Variants in TLL1 observed in about 807,000 individuals in gnomAD.
TLL1 encodes tolloid like 1.
In TLL1, 49 loss-of-function variants were observed where a neutral mutation model predicts 128.2. The ratio of observed to expected loss-of-function variants is 0.38; its 90% CI spans 0.30 to 0.48. The LOEUF is 0.48. Among genes scored for constraint, TLL1 ranks in the 20% least tolerant of loss-of-function variants. The pLI is 0.96. For missense variants in TLL1, 1,123 were observed against 1,242.0 expected (o/e 0.90, Z 1.44); for synonymous variants, 454 against 418.8 (o/e 1.08, Z -1.03).
intron 1 of TLL1, among the ~76,000 whole-genome samples, chr4:165,975,185 G>A (rs1445757492): frequency 6.6e-6 from 1 of 152,112 alleles, no homozygotes; most frequent in African/African-American, 2.4e-5. Context: ...AGCCAAGAGA[G>A]CTGACAGCTG....
chr4:166,064,554 A>G (rs1431100384), intron 15 of TLL1, among the ~76,000 whole-genome samples: 1 of 152,128 alleles, frequency 6.6e-6, no homozygotes, highest in South Asian at 2.1e-4. Flanking sequence ...AAGCTGTTAC[A>G]GAATTCTCTG....
chr4:166,043,974 G>T (rs1040038114), intron 12 of TLL1, among the ~76,000 whole-genome samples: 2 of 152,114 alleles, frequency 1.3e-5, no homozygotes, highest in African/African-American at 4.8e-5. Context: ...AGGCCAATCA[G>T]AATTTTTGGA....
At chr4:166,056,576 A>C (rs1180953390) in intron 13 of TLL1, among the ~76,000 whole-genome samples, 1 of 152,128 alleles carries the variant, frequency 6.6e-6, no homozygotes, top group Non-Finnish European at 1.5e-5. Context: ...GTTCACCACA[A>C]TCTATTTCTT....
At chr4:165,909,801 G>C (rs910657443) in intron 1 of TLL1, among the ~76,000 whole-genome samples, 1 of 152,134 alleles carries the variant, frequency 6.6e-6, no homozygotes, top group South Asian at 2.1e-4. Context: ...CATAACAGCA[G>C]AGTGAGAAGT....
intron 12 of TLL1, among the ~76,000 whole-genome samples, chr4:166,049,069 T>A (rs1739593052): frequency 6.6e-6 from 1 of 152,210 alleles, no homozygotes; most frequent in South Asian, 2.1e-4. Context: ...GTTAAGGATT[T>A]TCTGCTTGCC....
At chr4:165,989,306 G>A (rs1019789212) in intron 1 of TLL1, 75 bp from the exon 2 acceptor site, 2 of 1,111,902 alleles carry the variant, frequency 1.8e-6, no homozygotes, top group African/African-American at 1.5e-5. Flanking sequence ...TTTTAACAAT[G>A]CTTTTCTAAT....
intron 1 of TLL1, among the ~76,000 whole-genome samples, chr4:165,912,282 G>A (rs1331835083): frequency 6.6e-6 from 1 of 152,160 alleles, no homozygotes; most frequent in East Asian, 1.9e-4. Context: ...TTAACACACT[G>A]TGTTATTCAG....
chr4:166,031,052 C>T, intron 9 of TLL1: 1 of 877,416 alleles, frequency 1.1e-6, no homozygotes, highest in Non-Finnish European at 1.4e-6. Context: ...AGTTAATACC[C>T]ATGTAAAATG....
chr4:166,004,942 G>T (rs1579611482), intron 6 of TLL1, among the ~76,000 whole-genome samples: 1 of 149,402 alleles, frequency 6.7e-6, no homozygotes, highest in Non-Finnish European at 1.5e-5. Flanking sequence ...CGTTAACTGG[G>T]TGGTGGCGGG....
rs1329511719 is a variant in TLL1 at position 165,874,093 on chromosome 4, G to A, written c.169+20G>A. ...AAGCCGGTAAGTGGCTCTCCAGGTT[G>A]GGACGGTGGCGCGCCGGGGGCCGCT... On this transcript the variant is annotated intron_variant, in intron 1 of 20. Coordinates refer to ENST00000061240, the MANE Select transcript of TLL1 (RefSeq NM_012464.5). The A allele has an allele frequency of 5.0e-6, 8 of 1,613,912 alleles. No homozygotes were observed. Among genetic ancestry groups the A allele is most frequent in the Non-Finnish European group, 5.9e-6 (7 of 1,179,920 alleles).
chr4:165,973,663 C>CT lies in TLL1; in HGVS notation c.170-15706dup, dbSNP rs1163022177. Among the ~76,000 whole-genome samples, 1,082 of 143,240 alleles carry CT rather than the reference C, an allele frequency of 7.6e-3. 11 individuals are homozygous for CT. The highest frequency in any genetic ancestry group is 0.024 in the African/African-American group (941 of 39,280). The allele number at this position is 143,240 out of a possible 152,430, so 94.0% of individuals were successfully genotyped here. A position where few individuals can be genotyped will look rare whatever the true frequency, so the allele number is the denominator to read the frequency against. On this transcript the variant is annotated intron_variant, in intron 1 of 20. Coordinates refer to ENST00000061240, the MANE Select transcript of TLL1 (RefSeq NM_012464.5). ...CTTAACAAGGGAGTAAGCATTAGTT[C>CT]TTTTTTTTTTTTCTTTTTTGAGATG...
At chr4:166,074,596 C>T (rs978209124) in intron 16 of TLL1, among the ~76,000 whole-genome samples, 1 of 151,952 alleles carries the variant, frequency 6.6e-6, no homozygotes, top group African/African-American at 2.4e-5. Context: ...CCTCTTTCTC[C>T]TACCTAAAAC....
At chr4:166,033,865 A>T (rs562556422) in intron 9 of TLL1, among the ~76,000 whole-genome samples, 1 of 152,254 alleles carries the variant, frequency 6.6e-6, no homozygotes, top group African/African-American at 2.4e-5. Context: ...CTTAGAATTG[A>T]CTAACCTTTG....
intron 18 of TLL1, among the ~76,000 whole-genome samples, chr4:166,079,326 G>A (rs571405480): frequency 6.6e-6 from 1 of 152,098 alleles, no homozygotes; most frequent in African/African-American, 2.4e-5. Flanking sequence ...TTTTTTTTGG[G>A]TATCATATTC....
chr4:166,072,809 A>G (rs1181904538), intron 16 of TLL1, among the ~76,000 whole-genome samples: 2 of 152,118 alleles, frequency 1.3e-5, no homozygotes, highest in African/African-American at 2.4e-5. Flanking sequence ...ATGGCAATCC[A>G]AATAGGTACC....
intron 1 of TLL1, among the ~76,000 whole-genome samples, chr4:165,917,269 C>T (rs561127167): frequency 3.3e-5 from 5 of 152,176 alleles, no homozygotes; most frequent in Admixed American, 2.0e-4. Flanking sequence ...TAAAGGACAA[C>T]CTAAAAGTGA....
At chr4:166,000,916 A>C (rs1358435222) in intron 5 of TLL1, among the ~76,000 whole-genome samples, 1 of 152,214 alleles carries the variant, frequency 6.6e-6, no homozygotes, top group East Asian at 1.9e-4. Context: ...AACTCAGTTA[A>C]CTGCTATAAT....
At position 166,099,298 on chromosome 4, in the gene TLL1, C is replaced by T. The variant is rs747258278; in HGVS notation, c.2678C>T (p.Ala893Val). The change falls in exon 20 of 21, where the codon GCA becomes GTA. Residue 893 changes from alanine to valine, a missense_variant. Transcript: ENST00000061240. ...HSTECGGRLKAESKPRDLYSH... is the reference protein window; with the variant it reads ...HSTECGGRLKVESKPRDLYSH... ...GCAGAGTGTGGCGGACGATTGAAAG[C>T]AGAATCAAAACCAAGAGATCTGTAC... is the stretch of plus-strand genomic sequence containing the variant. 1.9e-6 allele frequency: 3 copies of T among 1,613,358 alleles called. No homozygotes were observed. The highest frequency in any genetic ancestry group is 2.5e-6 in the Non-Finnish European group (3 of 1,179,616).
intron 16 of TLL1, among the ~76,000 whole-genome samples, chr4:166,068,912 G>A (rs1415102830): frequency 2.0e-5 from 3 of 151,790 alleles, no homozygotes; most frequent in Admixed American, 1.3e-4. Context: ...TGTCTACACA[G>A]CTAAGCATAC....
Sources: allele counts gnomAD v4.1 joint callset (sites outside exome capture counted in the v4.1 genomes callset), GRCh38; gene constraint gnomAD v4.1.1; transcripts MANE v1.5; gene names NCBI Gene and HGNC (gene_info 2026-07-23, HGNC 2026-07-21).